The following LRPPRC variants were observed in gnomAD, a reference collection of about 807,000 sequenced individuals.
The protein encoded by LRPPRC is leucine rich pentatricopeptide repeat containing.
In LRPPRC, 120 loss-of-function variants were observed where a neutral mutation model predicts 180.3. That is an observed-to-expected ratio of 0.67 (90% confidence interval 0.57 to 0.77). The LOEUF (loss-of-function observed/expected upper bound fraction) is 0.77, where lower values mean the gene tolerates loss of function less well. Among genes scored for constraint, LRPPRC ranks in the 30% least tolerant of loss-of-function variants. The pLI is 0.00. For missense variants in LRPPRC, 2,012 were observed against 1,657.2 expected (o/e 1.21, Z -3.72); for synonymous variants, 723 against 600.0 (o/e 1.21, Z -3.00).
intron 3 of LRPPRC, among the ~76,000 whole-genome samples, chr2:43,978,848 T>C (rs1300285644): frequency 6.6e-6 from 1 of 152,084 alleles, no homozygotes; most frequent in Non-Finnish European, 1.5e-5. Context: ...TTCTCTATTT[T>C]CTTTTATAAC....
intron 31 of LRPPRC, among the ~76,000 whole-genome samples, chr2:43,904,893 A>C (rs779173807): frequency 6.6e-6 from 1 of 152,110 alleles, no homozygotes; most frequent in Non-Finnish European, 1.5e-5. Context: ...GTATTCACTC[A>C]AATTCAAATG....
chr2:43,939,384 A>C (rs1287000628), intron 23 of LRPPRC, among the ~76,000 whole-genome samples: 1 of 152,228 alleles, frequency 6.6e-6, no homozygotes, highest in Non-Finnish European at 1.5e-5. Flanking sequence ...TTAAACTTAT[A>C]CATTGTTAGT....
Position 43,912,463 on chromosome 2 carries a change from A to T in LRPPRC, c.3244T>A (p.Tyr1082Asn). ...NLIKLLMSEDYFTQAMEVKAF... is the reference protein window; with the variant it reads ...NLIKLLMSEDNFTQAMEVKAF... ...TTCACTTCCATTGCTTGTGTAAAATAATCTTCTGACATCAGTAATTTAATG... is the reference window on the plus strand; with the variant it reads ...TTCACTTCCATTGCTTGTGTAAAATTATCTTCTGACATCAGTAATTTAATG... The change falls in exon 30 of 38, where the codon TAT (tyrosine) becomes AAT (asparagine). Residue 1082 changes from tyrosine to asparagine, a missense_variant. Tyr to Asn is a moderately radical substitution (Grantham distance 143). Transcript: ENST00000260665. 1.2e-6 allele frequency: 2 copies of T among 1,607,784 alleles called. No homozygotes were observed. Among genetic ancestry groups the T allele is most frequent in the Non-Finnish European group, 1.7e-6 (2 of 1,174,390 alleles).
intron 16 of LRPPRC, 115 bp from the exon 17 acceptor site, chr2:43,948,633 T>G: frequency 1.4e-6 from 1 of 706,240 alleles, no homozygotes; most frequent in Non-Finnish European, 2.6e-6. Context: ...TGAGAGGCTC[T>G]GAAATGGCAA....
intron 1 of LRPPRC, among the ~76,000 whole-genome samples, chr2:43,988,867 TCTTTC>T (rs1188817183): frequency 3.9e-5 from 6 of 152,172 alleles, no homozygotes; most frequent in South Asian, 2.1e-4. Flanking sequence ...TTTTACAATA[TCTTTC>T]CTTTATCTTT....
chr2:43,948,151 C>G lies in LRPPRC; in HGVS notation c.1891G>C (p.Glu631Gln), dbSNP rs369324297. 21 of 1,606,274 alleles carry G rather than the reference C, an allele frequency of 1.3e-5. No homozygotes were observed. Among genetic ancestry groups the G allele is most frequent in the Non-Finnish European group, 1.8e-5 (21 of 1,173,240 alleles). The change falls in exon 18 of 38, where the codon GAA (glutamate) becomes CAA (glutamine). Residue 631 changes from glutamate (E) to glutamine (Q), a missense_variant. Glu to Gln is a conservative substitution (Grantham distance 29). Transcript: ENST00000260665. ...NIYRGIRNLL[E>Q]SYHVPELIKD... ...ATCAATTCAGGAACATGGTAGCTTT[C>G]CAGGAGATTACGAATGCCTCTGTAG...
At chr2:43,936,209 A>T (rs1364068519) in intron 23 of LRPPRC, among the ~76,000 whole-genome samples, 1 of 152,204 alleles carries the variant, frequency 6.6e-6, no homozygotes, top group East Asian at 1.9e-4. Context: ...GATTTGACTA[A>T]GGCTACCAGG....
At chr2:43,920,178 C>G (rs886913730) in intron 27 of LRPPRC, among the ~76,000 whole-genome samples, 2 of 151,720 alleles carry the variant, frequency 1.3e-5, no homozygotes, top group Non-Finnish European at 2.9e-5. Context: ...CTCTGTTGCC[C>G]AGGCTGGAGT....
rs141834101 is a variant in LRPPRC, at chr2:43,983,383, C to T, written c.150-949G>A. 2.0e-4 allele frequency among the ~76,000 whole-genome samples: 30 copies of T among 151,788 alleles called. 1 individual carries two copies. The East Asian group carries it at 5.8e-3, about 29-fold the overall frequency. ...AATATTTTTAGGTTTATAGAAAAATCGTGCATTAAGTAGAGTTCCCATATA... is the reference window on the plus strand; with the variant it reads ...AATATTTTTAGGTTTATAGAAAAATTGTGCATTAAGTAGAGTTCCCATATA... On this transcript the variant is annotated intron_variant, in intron 1 of 37. Coordinates refer to ENST00000260665, the MANE Select transcript of LRPPRC (RefSeq NM_133259.4).
intron 37 of LRPPRC, among the ~76,000 whole-genome samples, 153 bp downstream of exon 37, chr2:43,889,581 A>G (rs1333951952): frequency 6.6e-6 from 1 of 152,202 alleles, no homozygotes; most frequent in Non-Finnish European, 1.5e-5. Flanking sequence ...CAGCCAAGGC[A>G]TGCTGCTCAG....
intron 14 of LRPPRC, among the ~76,000 whole-genome samples, chr2:43,955,044 T>C (rs1273549483): frequency 6.6e-6 from 1 of 151,966 alleles, no homozygotes; most frequent in African/African-American, 2.4e-5. Flanking sequence ...ACGATACGGG[T>C]TTTTATAGGG....
intron 23 of LRPPRC, among the ~76,000 whole-genome samples, chr2:43,936,151 C>T (rs566801333): frequency 6.6e-6 from 1 of 152,250 alleles, no homozygotes; most frequent in South Asian, 2.1e-4. Flanking sequence ...TTGCCACCCC[C>T]TTTTACTTTC....
intron 29 of LRPPRC, 122 bp from the exon 30 acceptor site, chr2:43,912,680 G>A (rs1671308082): frequency 1.4e-6 from 1 of 700,856 alleles, no homozygotes; most frequent in Non-Finnish European, 2.6e-6. Flanking sequence ...CCAACCCACT[G>A]TTACCACTCT....
chr2:43,906,572 C>T (rs567846059), intron 30 of LRPPRC, among the ~76,000 whole-genome samples: 100 of 152,308 alleles, frequency 6.6e-4, no homozygotes, highest in African/African-American at 2.4e-3. Context: ...ATCCTTAATG[C>T]TCCCAGAGTT....
chr2:43,916,795 A>C (rs145224273), intron 29 of LRPPRC, among the ~76,000 whole-genome samples: 37 of 151,772 alleles, frequency 2.4e-4, no homozygotes, highest in African/African-American at 8.2e-4. Context: ...CACTACAAAA[A>C]TTGGCTGAGT....
intron 2 of LRPPRC, among the ~76,000 whole-genome samples, chr2:43,980,292 G>C (rs984209210): frequency 2.1e-4 from 32 of 152,270 alleles, no homozygotes; most frequent in African/African-American, 7.5e-4. Flanking sequence ...TAAAGGGCCA[G>C]GCGCGAATCC....
chr2:43,917,735 G>A (rs1185233761), intron 29 of LRPPRC, among the ~76,000 whole-genome samples: 3 of 152,070 alleles, frequency 2.0e-5, no homozygotes, highest in African/African-American at 7.2e-5. Flanking sequence ...CTTGCAGTGA[G>A]CTGAGATCAC....
intron 14 of LRPPRC, among the ~76,000 whole-genome samples, chr2:43,955,388 G>T (rs1451209008): frequency 6.7e-6 from 1 of 149,834 alleles, no homozygotes; most frequent in African/African-American, 2.5e-5. Flanking sequence ...AGGATTACTT[G>T]AGCTCAGAAT....
At chr2:43,917,081 G>A (rs1316667609) in intron 29 of LRPPRC, among the ~76,000 whole-genome samples, 5 of 128,552 alleles carry the variant, frequency 3.9e-5, no homozygotes, top group Non-Finnish European at 4.7e-5. Context: ...TTACTCTGTC[G>A]CTAGTCTGGA....
Sources: allele counts gnomAD v4.1 joint callset (sites outside exome capture counted in the v4.1 genomes callset), GRCh38; gene constraint gnomAD v4.1.1; transcripts MANE v1.5; gene names NCBI Gene and HGNC (gene_info 2026-07-23, HGNC 2026-07-21).